CACNA2D3: variants seen among roughly 807,000 people sequenced by gnomAD.
CACNA2D3 encodes voltage-dependent calcium channel subunit alpha-2/delta-3.
CACNA2D3 carries 60 observed loss-of-function variants against 160.6 expected under a neutral mutation model. The ratio of observed to expected loss-of-function variants is 0.37; its 90% CI spans 0.30 to 0.46. The LOEUF (loss-of-function observed/expected upper bound fraction) is 0.46, where lower values mean the gene tolerates loss of function less well. Among genes scored for constraint, CACNA2D3 ranks in the 20% least tolerant of loss-of-function variants. The pLI, the probability that CACNA2D3 is intolerant of heterozygous loss-of-function variation, is 1.00. For missense variants in CACNA2D3, 1,205 were observed against 1,365.0 expected, an observed-to-expected ratio of 0.88 and a Z score of 1.85; for synonymous variants, 558 against 492.9, an observed-to-expected ratio of 1.13 and a Z score of -1.75.
chr3:54,782,913 G>C (rs955521441), intron 13 of CACNA2D3, among the ~76,000 whole-genome samples: 13 of 152,152 alleles, frequency 8.5e-5, no homozygotes, highest in Non-Finnish European at 1.5e-4. Context: ...GGGGTACTAA[G>C]AGCTGCCATT....
chr3:54,421,044 T>C (rs1699829159), intron 4 of CACNA2D3, among the ~76,000 whole-genome samples: 1 of 152,214 alleles, frequency 6.6e-6, no homozygotes, highest in Non-Finnish European at 1.5e-5. Context: ...TCAATGCTAT[T>C]GCATCTGTAT....
chr3:54,911,004 A>G (rs1700543215), intron 27 of CACNA2D3, among the ~76,000 whole-genome samples: 1 of 152,214 alleles, frequency 6.6e-6, no homozygotes, highest in Admixed American at 6.5e-5. Flanking sequence ...CCCAGTAGCC[A>G]TCAACCCTTG....
chr3:54,853,735 A>G (rs1320680021), intron 17 of CACNA2D3, among the ~76,000 whole-genome samples: 1 of 152,146 alleles, frequency 6.6e-6, no homozygotes, highest in Admixed American at 6.5e-5. Context: ...TGAGATGCAG[A>G]AGGGCTTCCC....
chr3:54,304,392 A>T (rs1358789069), intron 2 of CACNA2D3, among the ~76,000 whole-genome samples: 1 of 152,162 alleles, frequency 6.6e-6, no homozygotes, highest in African/African-American at 2.4e-5. Flanking sequence ...GAGCTGAAGG[A>T]TGAGCTATTT....
chr3:54,683,477 C>G (rs569215515), intron 11 of CACNA2D3, among the ~76,000 whole-genome samples: 1 of 152,150 alleles, frequency 6.6e-6, no homozygotes, highest in Non-Finnish European at 1.5e-5. Context: ...ACTTGTTAGC[C>G]CTGTGACAGT....
At chr3:54,333,633 C>T (rs1205594303) in intron 3 of CACNA2D3, among the ~76,000 whole-genome samples, 1 of 151,636 alleles carries the variant, frequency 6.6e-6, no homozygotes, top group Non-Finnish European at 1.5e-5. Context: ...GGGCAGCACT[C>T]AGGGGGAGGG....
intron 17 of CACNA2D3, among the ~76,000 whole-genome samples, chr3:54,858,696 C>T (rs963745793): frequency 6.6e-6 from 1 of 152,112 alleles, no homozygotes; most frequent in Non-Finnish European, 1.5e-5. Flanking sequence ...TTGTTTGTCT[C>T]CGGGGAGATG....
At chr3:54,822,513 G>T (rs1222448497) in intron 14 of CACNA2D3, among the ~76,000 whole-genome samples, 1 of 152,202 alleles carries the variant, frequency 6.6e-6, no homozygotes, top group Non-Finnish European at 1.5e-5. Flanking sequence ...GTACCCATGT[G>T]AGTCTTGGCT....
intron 2 of CACNA2D3, among the ~76,000 whole-genome samples, chr3:54,163,639 C>T (rs1700392700): frequency 6.6e-6 from 1 of 152,122 alleles, no homozygotes; most frequent in Admixed American, 6.5e-5. Context: ...GTGCAAGCAA[C>T]ACCCTCTAAC....
At chr3:54,495,365 T>G (rs1005052811) in intron 4 of CACNA2D3, among the ~76,000 whole-genome samples, 1 of 152,188 alleles carries the variant, frequency 6.6e-6, no homozygotes, top group African/African-American at 2.4e-5. Flanking sequence ...GAGGCATGAA[T>G]TTCTATATGG....
intron 4 of CACNA2D3, among the ~76,000 whole-genome samples, chr3:54,423,983 C>A (rs891052587): frequency 6.6e-6 from 1 of 151,930 alleles, no homozygotes; most frequent in African/African-American, 2.4e-5. Flanking sequence ...CCTCAAACCC[C>A]TGTGGTCAAG....
At chr3:54,532,552 A>G (rs1701821794) in intron 5 of CACNA2D3, among the ~76,000 whole-genome samples, 1 of 152,146 alleles carries the variant, frequency 6.6e-6, no homozygotes, top group African/African-American at 2.4e-5. Context: ...GACATGCACT[A>G]TTTCACTTTC....
At position 54,324,652 on chromosome 3, in the gene CACNA2D3, A is replaced by C. The variant is rs147510719; in HGVS notation, c.321+4094A>C. 3.8e-3 allele frequency among the ~76,000 whole-genome samples: 578 copies of C among 152,180 alleles called. 4 individuals carry two copies. Among genetic ancestry groups the C allele is most frequent in the African/African-American group, 0.013 (553 of 41,538 alleles). ...CTTTTGTGTATAGCAGTTGTGCCCA[A>C]GGCACCATCTCTCACCTTCATTGTT... is the stretch of plus-strand genomic sequence containing the variant. On this transcript the variant is annotated intron_variant, in intron 3 of 37. Coordinates refer to ENST00000474759, the MANE Select transcript of CACNA2D3 (RefSeq NM_018398.3).
chr3:54,138,377 A>G (rs576784188), intron 2 of CACNA2D3, among the ~76,000 whole-genome samples: 3 of 152,342 alleles, frequency 2.0e-5, no homozygotes, highest in East Asian at 3.9e-4. Context: ...GGAAGAGGGC[A>G]GTCTGTGAAG....
chr3:54,466,250 C>T (rs924606758), intron 4 of CACNA2D3, among the ~76,000 whole-genome samples: 7 of 152,128 alleles, frequency 4.6e-5, no homozygotes, highest in African/African-American at 1.7e-4. Flanking sequence ...ATTCTGACTA[C>T]CACAGTGAGT....
Position 54,126,569 on chromosome 3 carries a change from C to A in CACNA2D3, c.204+2975C>A, listed in dbSNP as rs553099435. Among the ~76,000 whole-genome samples the A allele has an allele frequency of 2.0e-5, 3 of 152,262 alleles. No homozygotes were observed. The South Asian group carries it at 6.2e-4, about 32-fold the overall frequency. On this transcript the variant is annotated intron_variant, in intron 2 of 37. Transcript: ENST00000474759. ...CTTTACTGAGCACAGGAATAGCAAC[C>A]TGTTAGGTCCTTAGAAATAGGATAG...
chr3:54,642,269 G>A (rs766437635), intron 11 of CACNA2D3, 28 bp downstream of exon 11: 63 of 1,370,444 alleles, frequency 4.6e-5, no homozygotes, highest in Non-Finnish European at 5.9e-5. Flanking sequence ...CCGTCTGTGC[G>A]GTGGACTCCT....
chr3:54,936,139 A>G (rs778037588), intron 27 of CACNA2D3, among the ~76,000 whole-genome samples: 8 of 151,488 alleles, frequency 5.3e-5, no homozygotes, highest in Non-Finnish European at 7.4e-5. Flanking sequence ...AGGGTTAAAC[A>G]GTTTTTTATC....
At chr3:54,227,269 C>T (rs911976470) in intron 2 of CACNA2D3, among the ~76,000 whole-genome samples, 2 of 151,912 alleles carry the variant, frequency 1.3e-5, no homozygotes, top group African/African-American at 2.4e-5. Flanking sequence ...GAGAAATGTC[C>T]AGCACCGGGA....
Sources: gnomAD v4.1 joint callset for allele counts (sites outside exome capture counted in the v4.1 genomes callset) on GRCh38, gnomAD v4.1.1 for gene constraint, MANE v1.5 for transcripts, NCBI Gene and HGNC (gene_info 2026-07-23, HGNC 2026-07-21) for gene names.